Variants in VIPR2 observed in about 807,000 individuals in gnomAD.
VIPR2 encodes vasoactive intestinal polypeptide receptor 2.
VIPR2 carries 48 observed loss-of-function variants against 58.0 expected under a neutral mutation model. The ratio of observed to expected loss-of-function variants is 0.83; its 90% CI spans 0.66 to 1.05. The LOEUF (loss-of-function observed/expected upper bound fraction) is 1.05, where lower values mean the gene tolerates loss of function less well. VIPR2 is among the 50% of genes least tolerant of loss of function. VIPR2 has a pLI of 0.00. For missense variants in VIPR2, 534 were observed against 558.0 expected, an observed-to-expected ratio of 0.96 and a Z score of 0.43; for synonymous variants, 243 against 235.2, an observed-to-expected ratio of 1.03 and a Z score of -0.30.
At chr7:159,117,526 T>C (rs7803128) in intron 2 of VIPR2, 68,593 of 666,604 alleles carry the variant, frequency 0.1, 4,266 homozygotes, top group African/African-American at 0.23. Flanking sequence ...TGGACACAGA[T>C]GGGTGCAACT....
intron 10 of VIPR2, among the ~76,000 whole-genome samples, chr7:159,033,205 C>A (rs1853696827): frequency 6.6e-6 from 1 of 152,244 alleles, no homozygotes; most frequent in Non-Finnish European, 1.5e-5. Context: ...TCCCTCAGGG[C>A]ACTGGCCGGT....
chr7:159,097,012 A>T lies in VIPR2; in HGVS notation c.357+6745T>A, dbSNP rs768848937. 6.5e-7 allele frequency: 1 copy of T among 1,550,384 alleles called. No individual in the cohort carries two copies. Among genetic ancestry groups the T allele is most frequent in the African/African-American group, 1.4e-5 (1 of 73,042 alleles). ...TTCCTTCAGAAAAGCTGCTGCTCTCAGAGGTGATTTGGGGCAGGCCGCTCT... is the reference window on the plus strand; with the variant it reads ...TTCCTTCAGAAAAGCTGCTGCTCTCTGAGGTGATTTGGGGCAGGCCGCTCT... On this transcript the variant is annotated intron_variant, in intron 4 of 12. Coordinates refer to ENST00000262178, the MANE Select transcript of VIPR2 (RefSeq NM_003382.5). This position sits in a 1 kb window ranked among gnomAD's most constrained non-coding sequence, Gnocchi z 5.3.
intron 2 of VIPR2, among the ~76,000 whole-genome samples, chr7:159,120,400 C>A (rs1263487547): frequency 1.3e-4 from 14 of 111,044 alleles, no homozygotes. Context: ...CTGGACCCCT[C>A]CCAGGTCATG....
rs1324113658 is a variant in VIPR2 at position 159,109,866 on chromosome 7, C to T, written c.205G>A (p.Glu69Lys). 1.9e-6 allele frequency: 3 copies of T among 1,614,158 alleles called. No homozygotes were observed. Among genetic ancestry groups the T allele is most frequent in the South Asian group, 2.2e-5 (2 of 91,084 alleles). Reference sequence around the variant, plus strand: ...TTTGGGCAGGGCACCGTGACGGTCTCTCCCACATTGGCAGGCCGCCAGCAC... The same window carrying T: ...TTTGGGCAGGGCACCGTGACGGTCTTTCCCACATTGGCAGGCCGCCAGCAC... ...ITCWRPANVG[E>K]TVTVPCPKVF... Residue 69 changes from glutamate to lysine, a missense_variant, in exon 3 of 13, where the codon GAG becomes AAG. Physicochemically the swap from Glu to Lys is moderately conservative, Grantham distance 56. This residue lies in a region of VIPR2 where 224 missense variants were observed against 255.7 expected (regional missense o/e 0.88). Transcript: ENST00000262178.
rs751614942 is a variant in VIPR2, at chr7:159,106,648, GAGAGAGGCCAGGGAGGGGC to G, written c.260-2813_260-2795del. 2.8e-3 allele frequency among the ~76,000 whole-genome samples: 394 copies of G among 142,384 alleles called. 2 individuals are homozygous for G. Among genetic ancestry groups the G allele is most frequent in the Non-Finnish European group, 4.2e-3 (273 of 64,762 alleles). The allele number at this position is 142,384 out of a possible 152,430, so 93.4% of individuals were successfully genotyped here. A position where few individuals can be genotyped will look rare whatever the true frequency, so the allele number is the denominator to read the frequency against. ...GGGGCAGAAAGGCCAGGGAGGGGCAGAGAGAGGCCAGGGAGGGGCAGAGAGGCCAGGGAGGGGCAGAGAG... is the reference window on the plus strand; with the variant it reads ...GGGGCAGAAAGGCCAGGGAGGGGCAGAGAGAGGCCAGGGAGGGGCAGAGAG... On this transcript the variant is annotated intron_variant, in intron 3 of 12. Coordinates refer to ENST00000262178, the MANE Select transcript of VIPR2 (RefSeq NM_003382.5).
chr7:159,055,393 A>G (rs537343450), intron 5 of VIPR2, among the ~76,000 whole-genome samples: 2 of 152,252 alleles, frequency 1.3e-5, no homozygotes, highest in East Asian at 3.9e-4. Flanking sequence ...CCTGGTAAAC[A>G]TGCATTCTGA....
At chr7:159,084,362 C>T (rs184362551) in intron 4 of VIPR2, among the ~76,000 whole-genome samples, 3 of 152,310 alleles carry the variant, frequency 2.0e-5, no homozygotes, top group East Asian at 1.9e-4. Flanking sequence ...CGGCTGGGCA[C>T]GCTGGAGGGC....
intron 3 of VIPR2, 143 bp from the exon 4 acceptor site, chr7:159,103,997 A>C: frequency 1.4e-6 from 1 of 701,040 alleles, no homozygotes; most frequent in Non-Finnish European, 2.4e-6. Flanking sequence ...GCCACTCAAA[A>C]AACCTTCCTT....
chr7:159,116,455 G>A (rs1040656653), intron 2 of VIPR2, among the ~76,000 whole-genome samples: 4 of 152,170 alleles, frequency 2.6e-5, no homozygotes, highest in African/African-American at 4.8e-5. Flanking sequence ...AGTGGGCAGT[G>A]ACCGGTGGTC....
At chr7:159,129,447 T>TG (rs1402495250) in intron 2 of VIPR2, among the ~76,000 whole-genome samples, 1 of 97,152 alleles carries the variant, frequency 1.0e-5, no homozygotes, top group African/African-American at 4.7e-5. Flanking sequence ...AACTGGCCTC[T>TG]GGCGGGGACA....
intron 4 of VIPR2, among the ~76,000 whole-genome samples, chr7:159,063,806 C>T (rs184959986): frequency 0.014 from 363 of 25,960 alleles, 3 homozygotes; most frequent in African/African-American, 0.061. Flanking sequence ...TGGTGGGGTC[C>T]GGGGGTCCTG....
At chr7:159,119,492 C>T (rs1338804106) in intron 2 of VIPR2, among the ~76,000 whole-genome samples, 1 of 152,194 alleles carries the variant, frequency 6.6e-6, no homozygotes, top group Non-Finnish European at 1.5e-5. Flanking sequence ...GATGCCCAGA[C>T]CAGCCTGCTG....
rs111858059 is a variant in VIPR2, at chr7:159,101,441, G to A, written c.357+2316C>T. Among the ~76,000 whole-genome samples, 576 of 123,376 alleles carry A rather than the reference G, an allele frequency of 4.7e-3. 46 individuals carry two copies. The highest frequency in any genetic ancestry group is 0.019 in the African/African-American group (537 of 27,904). 80.9% of individuals were successfully genotyped at this position (123,376 alleles called of 152,430 possible). On this transcript the variant is annotated intron_variant, in intron 4 of 12. Coordinates refer to ENST00000262178, the MANE Select transcript of VIPR2 (RefSeq NM_003382.5). ...TCACGAGATCCGACGAGGCGGTTCC[G>A]ACTGTTCCTGTGGTAGTGAATGAGT...
intron 4 of VIPR2, among the ~76,000 whole-genome samples, chr7:159,070,799 G>A (rs183965364): frequency 1.3e-5 from 2 of 152,224 alleles, no homozygotes; most frequent in African/African-American, 2.4e-5. Context: ...TACACATCCC[G>A]TGCTTTCAAG....
rs146616639 is a variant in VIPR2 at position 159,091,587 on chromosome 7, C to T, written c.357+12170G>A. 8.7e-3 allele frequency among the ~76,000 whole-genome samples: 1,324 copies of T among 152,352 alleles called. 21 individuals carry two copies. The highest frequency in any genetic ancestry group is 0.026 in the African/African-American group (1,070 of 41,580). On this transcript the variant is annotated intron_variant, in intron 4 of 12. Coordinates refer to ENST00000262178, the MANE Select transcript of VIPR2 (RefSeq NM_003382.5). Reference sequence around the variant, plus strand: ...CTCGCAGGGGGCCCAGGGAAAGCCCCGCCCTGCACGTCACTCCTCACACAG... The same window carrying T: ...CTCGCAGGGGGCCCAGGGAAAGCCCTGCCCTGCACGTCACTCCTCACACAG...
intron 7 of VIPR2, 74 bp from the exon 8 acceptor site, chr7:159,036,086 A>G (rs1318502549): frequency 1.3e-6 from 2 of 1,520,224 alleles, no homozygotes; most frequent in African/African-American, 2.8e-5. Flanking sequence ...CTTCACCAGC[A>G]AAACCCTCAA....
In VIPR2 at chr7:159,096,724, T is replaced by G. The variant is rs368385808; in HGVS notation, c.357+7033A>C. 14 of 1,378,020 alleles carry G rather than the reference T, an allele frequency of 1.0e-5. No individual in the cohort carries two copies. The African/African-American group carries it at 1.9e-4, about 19-fold the overall frequency. 85.4% of individuals were successfully genotyped at this position (1,378,020 alleles called of 1,614,324 possible). On this transcript the variant is annotated intron_variant, in intron 4 of 12. Transcript: ENST00000262178. The surrounding 1 kb of genome is among the most constrained non-coding windows in gnomAD (Gnocchi z 5.5). ...AAGTGCTCATAATCCTGTCTGGTTG[T>G]GCCAGGTGACAGCTGAATGATTTCT...
chr7:159,037,697 T>C (rs1010770440), intron 6 of VIPR2, among the ~76,000 whole-genome samples: 1 of 152,202 alleles, frequency 6.6e-6, no homozygotes, highest in Non-Finnish European at 1.5e-5. Context: ...TGCATTATTA[T>C]ATAAAATCCA....
chr7:159,055,346 G>T (rs1466880754), intron 5 of VIPR2, among the ~76,000 whole-genome samples: 1 of 152,230 alleles, frequency 6.6e-6, no homozygotes, highest in Non-Finnish European at 1.5e-5. Context: ...TCCCTGGTGA[G>T]AGTTGTATCC....
Sources: allele counts gnomAD v4.1 joint callset (sites outside exome capture counted in the v4.1 genomes callset), GRCh38; gene constraint gnomAD v4.1.1; regional missense constraint gnomAD v4.1.1; non-coding constraint Gnocchi (gnomAD v3.1); transcripts MANE v1.5; gene names NCBI Gene and HGNC (gene_info 2026-07-23, HGNC 2026-07-21).